The following MAT1A variants were observed in gnomAD, a reference collection of about 807,000 sequenced individuals.
MAT1A encodes the protein methionine adenosyltransferase 1A.
In MAT1A, 19 loss-of-function variants were observed where a neutral mutation model predicts 44.0. The ratio of observed to expected loss-of-function variants is 0.43; its 90% CI spans 0.30 to 0.63. MAT1A has a LOEUF of 0.63. Among genes scored for constraint, MAT1A ranks in the 30% least tolerant of loss-of-function variants. The probability of loss-of-function intolerance (pLI) is 0.12; values close to 1 mark genes in which losing one functional copy is unlikely to be tolerated. For missense variants in MAT1A, 397 were observed against 531.0 expected (o/e 0.75, Z 2.48); for synonymous variants, 205 against 205.6 (o/e 1.00, Z 0.03).
chr10:80,285,913 C>A (rs1412556766), intron 1 of MAT1A, among the ~76,000 whole-genome samples: 1 of 150,626 alleles, frequency 6.6e-6, no homozygotes, highest in Admixed American at 6.6e-5. Context: ...GCAATCTCCA[C>A]CTCCCGGGTT....
At chr10:80,274,885 A>AACACAATC (rs1198612973) in intron 7 of MAT1A, 132 bp downstream of exon 7, 1 of 1,298,642 alleles carries the variant, frequency 7.7e-7, no homozygotes, top group Non-Finnish European at 1.1e-6. Context: ...CACAGTGCCC[A>AACACAATC]ACACAATCAC....
At chr10:80,287,929 G>C (rs1841667979) in intron 1 of MAT1A, among the ~76,000 whole-genome samples, 1 of 152,188 alleles carries the variant, frequency 6.6e-6, no homozygotes, top group Non-Finnish European at 1.5e-5. Context: ...ATGCTTAGCA[G>C]TGTGCCTGAC....
At chr10:80,283,807 T>C in intron 3 of MAT1A, 109 bp downstream of exon 3, 1 of 1,524,806 alleles carries the variant, frequency 6.6e-7, no homozygotes, top group Non-Finnish European at 9.1e-7. Flanking sequence ...GTTTTCCTCC[T>C]GGTAGTATTG....
At position 80,280,336 on chromosome 10, in the gene MAT1A, T is replaced by A. The variant is rs1268588492; in HGVS notation, c.406-20A>T. 1.9e-6 allele frequency: 3 copies of A among 1,613,484 alleles called. No individual in the cohort carries two copies. Among genetic ancestry groups the A allele is most frequent in the South Asian group, 2.2e-5 (2 of 91,060 alleles). On this transcript the variant is annotated intron_variant, in intron 4 of 8. Transcript: ENST00000372213. ...CAAACCCTGTGGCGAGAGAGCAGGC[T>A]GAGCGGCGCCCACCCTAGACCAAGA...
chr10:80,274,499 T>C (rs1385906037), intron 8 of MAT1A, 21 bp downstream of exon 8: 8 of 1,613,746 alleles, frequency 5.0e-6, no homozygotes, highest in Non-Finnish European at 6.8e-6. Flanking sequence ...TCCTGTGTAA[T>C]AGCAGCGCAT....
At chr10:80,279,864 G>A (rs1841538441) in intron 5 of MAT1A, among the ~76,000 whole-genome samples, 1 of 151,906 alleles carries the variant, frequency 6.6e-6, no homozygotes, top group Non-Finnish European at 1.5e-5. Context: ...TGAAAATATG[G>A]AAGCCAGTTA....
chr10:80,280,454 G>C, intron 4 of MAT1A, 138 bp from the exon 5 acceptor site: 1 of 1,181,048 alleles, frequency 8.5e-7, no homozygotes, highest in Non-Finnish European at 1.2e-6. Flanking sequence ...CATGTGCAGG[G>C]GAAGGACGTC....
At chr10:80,278,808 C>T (rs564434277) in intron 5 of MAT1A, among the ~76,000 whole-genome samples, 60 of 152,246 alleles carry the variant, frequency 3.9e-4, no homozygotes, top group Non-Finnish European at 7.1e-4. Context: ...AGCTATAACA[C>T]CATGGGTGCC....
chr10:80,273,969 C>A, intron 8 of MAT1A, 86 bp from the exon 9 acceptor site: 2 of 942,934 alleles, frequency 2.1e-6, no homozygotes, highest in Non-Finnish European at 3.5e-6. Flanking sequence ...GAGGGAGCAA[C>A]GAACTGTAAC....
intron 5 of MAT1A, among the ~76,000 whole-genome samples, chr10:80,277,340 G>A (rs1219724042): frequency 6.6e-6 from 1 of 152,154 alleles, no homozygotes; most frequent in Non-Finnish European, 1.5e-5. Flanking sequence ...GACTGTGCCT[G>A]CAGCAAACTC....
At chr10:80,276,305 T>G in intron 6 of MAT1A, 71 bp downstream of exon 6, 4 of 1,501,318 alleles carry the variant, frequency 2.7e-6, no homozygotes, top group Non-Finnish European at 3.7e-6. Context: ...CTTGAGGTTT[T>G]CCTGCTCTGA....
At chr10:80,288,335 C>T (rs759788842) in intron 1 of MAT1A, among the ~76,000 whole-genome samples, 7 of 152,190 alleles carry the variant, frequency 4.6e-5, no homozygotes, top group African/African-American at 1.2e-4. Flanking sequence ...TGCAAATTCT[C>T]GAGCCTCTCC....
chr10:80,283,871 C>T (rs1170607899), intron 3 of MAT1A, 45 bp downstream of exon 3: 1 of 1,612,736 alleles, frequency 6.2e-7, no homozygotes. Flanking sequence ...GGGTCTCTAT[C>T]AGCAGAGAGC....
chr10:80,283,275 T>C (rs1841593116), intron 3 of MAT1A, among the ~76,000 whole-genome samples: 1 of 152,216 alleles, frequency 6.6e-6, no homozygotes, highest in African/African-American at 2.4e-5. Context: ...CTGCTCAGTC[T>C]CAGATGTTGG....
Position 80,280,206 on chromosome 10 carries a change from G to T in MAT1A, c.516C>A (p.Leu172=). The T allele has an allele frequency of 1.2e-6, 2 of 1,614,120 alleles. No individual in the cohort carries two copies. ...ARMADLRRSG[L]LPWLRPDSKT... ...TAGAGTCAGGCCGCAGCCAGGGGAG[G>T]AGGCCGGAGCGCCTGAGGTCTGCCA... is the stretch of plus-strand genomic sequence containing the variant. The change falls in exon 5 of 9, where the codon CTC becomes CTA. Residue 172 remains leucine, a synonymous_variant. Transcript: ENST00000372213.
chr10:80,283,779 A>G, intron 3 of MAT1A, 137 bp downstream of exon 3: 4 of 1,370,408 alleles, frequency 2.9e-6, no homozygotes. Context: ...CTGGAACCTG[A>G]CAGACAAGTG....
rs1368569500 is a variant in MAT1A at position 80,289,422 on chromosome 10, ATCT to A, written c.-2_1del. Reference sequence around the variant, plus strand: ...ACACAAGCCATCCACCGGTCCATTCATCTTCTCACACTTCTCCACTCACGCTTC... The same window carrying A: ...ACACAAGCCATCCACCGGTCCATTCATCTCACACTTCTCCACTCACGCTTC... On this transcript the variant is annotated start_lost and start_retained_variant and 5_prime_UTR_variant, in exon 1 of 9. Coordinates refer to ENST00000372213, the MANE Select transcript of MAT1A (RefSeq NM_000429.3). The A allele has an allele frequency of 1.2e-6, 2 of 1,612,134 alleles. No homozygotes were observed. The highest frequency in any genetic ancestry group is 1.7e-5 in the Admixed American group (1 of 60,012).
chr10:80,275,093 C>T lies in MAT1A; in HGVS notation c.875G>A (p.Arg292His), dbSNP rs781774786. The T allele has an allele frequency of 7.5e-6, 12 of 1,597,486 alleles. No homozygotes were observed. The highest frequency in any genetic ancestry group is 2.3e-5 in the South Asian group (2 of 88,462). The change falls in exon 7 of 9, where the codon CGC (arginine) becomes CAC (histidine). Residue 292 changes from arginine to histidine, a missense_variant. Arg to His is a conservative substitution (Grantham distance 29). Coordinates refer to ENST00000372213, the MANE Select transcript of MAT1A (RefSeq NM_000429.3). ...CCAGCGGGCAGCATATGCAGCTGAG[C>T]GGTCTACCTTGGTGTAGTCCTTCCC... ...FSGKDYTKVD[R>H]SAAYAARWVA... is the part of the protein sequence containing the mutation.
At chr10:80,274,776 C>T in intron 7 of MAT1A, 123 bp from the exon 8 acceptor site, 8 of 1,382,772 alleles carry the variant, frequency 5.8e-6, no homozygotes, top group East Asian at 2.4e-5. Flanking sequence ...ACATGCTCCC[C>T]TGCAATTTTC....
Sources: allele counts gnomAD v4.1 joint callset (sites outside exome capture counted in the v4.1 genomes callset), GRCh38; gene constraint gnomAD v4.1.1; transcripts MANE v1.5; gene names NCBI Gene and HGNC (gene_info 2026-07-23, HGNC 2026-07-21).